ASIC2: variants seen among roughly 807,000 people sequenced by gnomAD.
ASIC2 encodes acid-sensing ion channel 2.
ASIC2 carries 25 observed loss-of-function variants against 57.3 expected under a neutral mutation model. The ratio of observed to expected loss-of-function variants is 0.44; its 90% CI spans 0.32 to 0.61. The LOEUF (loss-of-function observed/expected upper bound fraction) is 0.61, where lower values mean the gene tolerates loss of function less well. Among genes scored for constraint, ASIC2 ranks in the 20% least tolerant of loss-of-function variants. ASIC2 has a pLI of 0.06. For synonymous variants in ASIC2, 319 were observed against 307.5 expected (o/e 1.04, Z -0.39); for missense variants, 641 against 738.1 (o/e 0.87, Z 1.52).
intron 1 of ASIC2, among the ~76,000 whole-genome samples, chr17:33,516,533 A>G (rs779688512): frequency 2.0e-4 from 31 of 152,190 alleles, no homozygotes; most frequent in Non-Finnish European, 2.9e-4. Flanking sequence ...AAATGCCGAT[A>G]TTCAGGCAGA....
At chr17:33,145,294 T>A (rs1199749111) in intron 1 of ASIC2, among the ~76,000 whole-genome samples, 2 of 152,250 alleles carry the variant, frequency 1.3e-5, no homozygotes, top group African/African-American at 4.8e-5. Context: ...TCCAGTTTCT[T>A]TTGGCATTCT....
intron 1 of ASIC2, among the ~76,000 whole-genome samples, chr17:34,103,401 G>C (rs1034186009): frequency 2.0e-5 from 3 of 151,984 alleles, no homozygotes; most frequent in Non-Finnish European, 2.9e-5. Flanking sequence ...CAATCCTCTT[G>C]CTTCAGCCTC....
chr17:33,611,145 A>G lies in ASIC2; in HGVS notation c.556-499078T>C, dbSNP rs548926792. ...CCTGCTGCTAGCTGCTGCTTTCCCAACTAGCCCTCCTGGTGCTGCCTGGTC... is the reference window on the plus strand; with the variant it reads ...CCTGCTGCTAGCTGCTGCTTTCCCAGCTAGCCCTCCTGGTGCTGCCTGGTC... On this transcript the variant is annotated intron_variant, in intron 1 of 9. Coordinates refer to the ASIC2 transcript ENST00000359872. Among the ~76,000 whole-genome samples, 9 of 152,208 alleles carry G rather than the reference A, an allele frequency of 5.9e-5. No homozygotes were observed. In the East Asian group the frequency reaches 9.7e-4, roughly 16 times the overall value.
intron 1 of ASIC2, among the ~76,000 whole-genome samples, chr17:33,584,121 A>G (rs1904535634): frequency 1.3e-5 from 2 of 152,200 alleles, no homozygotes; most frequent in African/African-American, 2.4e-5. Flanking sequence ...GAAATTGCTA[A>G]TACTCTGGCC....
intron 1 of ASIC2, among the ~76,000 whole-genome samples, chr17:33,877,324 G>A (rs919099944): frequency 1.8e-4 from 28 of 152,306 alleles, no homozygotes; most frequent in South Asian, 1.0e-3. Context: ...GCAAGGCATC[G>A]CCTCGCCCGG....
chr17:33,668,055 C>T (rs529112816), intron 1 of ASIC2, among the ~76,000 whole-genome samples: 88 of 152,158 alleles, frequency 5.8e-4, no homozygotes, highest in African/African-American at 1.9e-3. Context: ...AGGAGACCAC[C>T]GCCATTTTGC....
At chr17:33,902,524 C>T (rs767975993) in intron 1 of ASIC2, among the ~76,000 whole-genome samples, 1 of 152,174 alleles carries the variant, frequency 6.6e-6, no homozygotes, top group Non-Finnish European at 1.5e-5. Flanking sequence ...TGGTGGACAG[C>T]GATGACACAT....
chr17:34,142,742 G>C (rs553635317), intron 1 of ASIC2, among the ~76,000 whole-genome samples: 3 of 152,326 alleles, frequency 2.0e-5, no homozygotes, highest in East Asian at 1.9e-4. Flanking sequence ...CTTGCCACCT[G>C]CTTCCTGAAA....
At chr17:33,446,461 T>C (rs1306409636) in intron 1 of ASIC2, among the ~76,000 whole-genome samples, 1 of 152,146 alleles carries the variant, frequency 6.6e-6, no homozygotes, top group African/African-American at 2.4e-5. Context: ...AGAAGGTCAC[T>C]GGCCGGCTGA....
intron 2 of ASIC2, among the ~76,000 whole-genome samples, chr17:33,103,004 T>C (rs190134485): frequency 0.015 from 2,309 of 152,230 alleles, 28 homozygotes; most frequent in South Asian, 0.045. Flanking sequence ...AGGATGGTCT[T>C]GATCTCCTGA....
At chr17:33,984,811 G>A (rs1003405149) in intron 1 of ASIC2, among the ~76,000 whole-genome samples, 2 of 152,186 alleles carry the variant, frequency 1.3e-5, no homozygotes, top group African/African-American at 2.4e-5. Context: ...GAGAGGCAAA[G>A]AGAATAGAAA....
intron 1 of ASIC2, among the ~76,000 whole-genome samples, chr17:33,132,113 A>T (rs2092348534): frequency 6.6e-6 from 1 of 152,204 alleles, no homozygotes; most frequent in Non-Finnish European, 1.5e-5. Flanking sequence ...CCTGGGCCAC[A>T]GCTTTCTGAA....
At chr17:33,213,409 G>A (rs973227350) in intron 1 of ASIC2, among the ~76,000 whole-genome samples, 1 of 152,220 alleles carries the variant, frequency 6.6e-6, no homozygotes, top group Non-Finnish European at 1.5e-5. Flanking sequence ...GTTCAGCAGT[G>A]GGTGTGTTAG....
chr17:33,981,964 G>T (rs1905642291), intron 1 of ASIC2, among the ~76,000 whole-genome samples: 1 of 152,166 alleles, frequency 6.6e-6, no homozygotes, highest in African/African-American at 2.4e-5. Context: ...GGGAGAATTG[G>T]CACCAACCGG....
intron 1 of ASIC2, among the ~76,000 whole-genome samples, chr17:33,877,280 T>A (rs1261627633): frequency 6.6e-6 from 1 of 152,010 alleles, no homozygotes; most frequent in African/African-American, 2.4e-5. Flanking sequence ...TGCAGGACAG[T>A]GGGTGCAGCA....
chr17:33,905,727 G>A (rs1271550540), intron 1 of ASIC2, among the ~76,000 whole-genome samples: 1 of 152,192 alleles, frequency 6.6e-6, no homozygotes, highest in Non-Finnish European at 1.5e-5. Flanking sequence ...CTGGGGCAGG[G>A]AAATGTGATA....
At chr17:33,754,083 G>T (rs547478752) in intron 1 of ASIC2, among the ~76,000 whole-genome samples, 1 of 152,120 alleles carries the variant, frequency 6.6e-6, no homozygotes, top group African/African-American at 2.4e-5. Context: ...GGTGGGAAGG[G>T]GTACTGATTC....
chr17:33,593,013 C>T (rs999813047), intron 1 of ASIC2, among the ~76,000 whole-genome samples: 1 of 152,164 alleles, frequency 6.6e-6, no homozygotes, highest in Admixed American at 6.5e-5. Context: ...TCCCCTTTCC[C>T]CAAATTGAAG....
intron 1 of ASIC2, among the ~76,000 whole-genome samples, chr17:33,190,345 A>C (rs996708052): frequency 2.0e-5 from 3 of 152,204 alleles, no homozygotes; most frequent in Non-Finnish European, 4.4e-5. Flanking sequence ...ATATTTGTAG[A>C]GTCATACACT....
Sources: gnomAD v4.1 joint callset for allele counts (sites outside exome capture counted in the v4.1 genomes callset) on GRCh38, gnomAD v4.1.1 for gene constraint, MANE v1.5 for transcripts, NCBI Gene and HGNC (gene_info 2026-07-23, HGNC 2026-07-21) for gene names.